The following ZMYM2 variants were observed in gnomAD, a reference collection of about 807,000 sequenced individuals.
ZMYM2 encodes zinc finger MYM-type protein 2.
A neutral mutation model predicts 162.8 loss-of-function variants in ZMYM2; 56 were observed. The ratio of observed to expected loss-of-function variants is 0.34; its 90% CI spans 0.28 to 0.43. The LOEUF (loss-of-function observed/expected upper bound fraction) is 0.43, where lower values mean the gene tolerates loss of function less well. Among genes scored for constraint, ZMYM2 ranks in the 20% least tolerant of loss-of-function variants. The probability of loss-of-function intolerance (pLI) is 1.00; values close to 1 mark genes in which losing one functional copy is unlikely to be tolerated. For missense variants in ZMYM2, 1,275 were observed against 1,621.8 expected (o/e 0.79, Z 3.67); for synonymous variants, 510 against 541.6 (o/e 0.94, Z 0.81).
chr13:19,954,883 T>C (rs192993274), upstream of ZMYM2, among the ~76,000 whole-genome samples: 2 of 152,144 alleles, frequency 1.3e-5, no homozygotes, highest in African/African-American at 2.4e-5. Context: ...CAATCTTAGC[T>C]CAATACAACC....
At chr13:19,888,489 G>C in the ZMYM2 span, among the ~76,000 whole-genome samples, 337 of 151,854 alleles carry the variant, frequency 2.2e-3, 10 homozygotes, top group Admixed American at 0.018. Flanking sequence ...TTGCTCAGCT[G>C]TGCTTTTATT....
chr13:19,937,727 T>C, the ZMYM2 span, among the ~76,000 whole-genome samples: 52 of 151,888 alleles, frequency 3.4e-4, no homozygotes, highest in East Asian at 1.4e-3. Flanking sequence ...CATGTTGGTG[T>C]GCTGCACCCA....
At chr13:19,950,797 A>G in the ZMYM2 span, among the ~76,000 whole-genome samples, 7 of 152,222 alleles carry the variant, frequency 4.6e-5, no homozygotes, top group Non-Finnish European at 7.3e-5. Context: ...GAGTCCTTTC[A>G]GCTTATTATT....
intron 7 of ZMYM2, chr13:20,025,724 C>G (rs1952523610): frequency 6.6e-6 from 1 of 152,234 alleles, no homozygotes; most frequent in Admixed American, 6.5e-5. Context: ...CATCGTTAGA[C>G]AAGTTTGTTT....
intron 2 of ZMYM2, among the ~76,000 whole-genome samples, chr13:19,985,747 G>T (rs978581620): frequency 6.6e-6 from 1 of 151,846 alleles, no homozygotes; most frequent in Admixed American, 6.6e-5. Context: ...GTGGTGGCAC[G>T]TGCCTGTAGT....
chr13:20,083,926 T>C (rs1958072115), intron 24 of ZMYM2, 150 bp downstream of exon 24: 1 of 829,052 alleles, frequency 1.2e-6, no homozygotes, highest in African/African-American at 1.7e-5. Flanking sequence ...TTATAATCTT[T>C]TATTTTGAAA....
chr13:20,063,232 GTC>G (rs572147963), intron 18 of ZMYM2, among the ~76,000 whole-genome samples: 18 of 151,762 alleles, frequency 1.2e-4, no homozygotes, highest in Admixed American at 3.3e-4. Flanking sequence ...GTGAAACACT[GTC>G]TCTACTAAAA....
intron 21 of ZMYM2, among the ~76,000 whole-genome samples, chr13:20,079,345 G>GAAAAAAAAAAAAAAAAAAA (rs1957754259): frequency 5.2e-5 from 1 of 19,134 alleles, no homozygotes; most frequent in African/African-American, 1.5e-4. Context: ...AAAAAAAAAG[G>GAAAAAAAAAAAAAAAAAAA]ATACTTAATG....
At chr13:19,879,698 A>C in the ZMYM2 span, among the ~76,000 whole-genome samples, 2 of 152,196 alleles carry the variant, frequency 1.3e-5, no homozygotes, top group Non-Finnish European at 2.9e-5. Context: ...TGGGATTTTG[A>C]GAGACATTGC....
chr13:20,008,335 T>A (rs1482900744), intron 6 of ZMYM2, among the ~76,000 whole-genome samples: 4 of 152,194 alleles, frequency 2.6e-5, no homozygotes, highest in African/African-American at 9.7e-5. Flanking sequence ...TTCACCATGT[T>A]GTCCATGCTG....
At chr13:19,884,387 A>T in the ZMYM2 span, among the ~76,000 whole-genome samples, 2 of 152,120 alleles carry the variant, frequency 1.3e-5, no homozygotes, top group Admixed American at 1.3e-4. Context: ...GGCCCGGGCT[A>T]ACACAGTATA....
At chr13:19,964,612 A>G (rs1955576256) in intron 2 of ZMYM2, among the ~76,000 whole-genome samples, 1 of 152,126 alleles carries the variant, frequency 6.6e-6, no homozygotes, top group Admixed American at 6.5e-5. Flanking sequence ...TTTTATTAGT[A>G]TAAGTTATCA....
In ZMYM2 at chr13:20,030,429, C is replaced by T. The variant is rs1420717508; in HGVS notation, c.1852-890C>T. On this transcript the variant is annotated intron_variant, in intron 9 of 24. Transcript: ENST00000610343. ...TTTTTTTTTTTTTGAGACGGAGTCT[C>T]GCTCTGTCGCCCAGGCTGGAGTGCA... Among the ~76,000 whole-genome samples the T allele has an allele frequency of 3.0e-3, 415 of 139,522 alleles. 1 individual carries two copies. The highest frequency in any genetic ancestry group is 0.011 in the African/African-American group (399 of 37,704). The allele number at this position is 139,522 out of a possible 152,430, so 91.5% of individuals were successfully genotyped here.
intron 7 of ZMYM2, chr13:20,026,402 G>A (rs1281295678): frequency 1.2e-5 from 5 of 411,390 alleles, no homozygotes; most frequent in Non-Finnish European, 2.1e-5. Flanking sequence ...GTTTTTGAAG[G>A]CGACTTAGCT....
intron 21 of ZMYM2, among the ~76,000 whole-genome samples, chr13:20,070,047 C>G (rs993084216): frequency 2.0e-5 from 3 of 152,030 alleles, no homozygotes; most frequent in Non-Finnish European, 4.4e-5. Context: ...TAAGACCTCC[C>G]ACTTGCTTAT....
intron 14 of ZMYM2, among the ~76,000 whole-genome samples, chr13:20,056,030 A>G (rs186534630): frequency 2.2e-4 from 34 of 152,332 alleles, no homozygotes; most frequent in East Asian, 5.8e-4. Flanking sequence ...CTACTTTTCA[A>G]CACTAATGGG....
chr13:19,902,354 C>T, the ZMYM2 span, among the ~76,000 whole-genome samples: 1 of 152,198 alleles, frequency 6.6e-6, no homozygotes, highest in Non-Finnish European at 1.5e-5. Context: ...CGGTGGCTCA[C>T]GCCTGTAATC....
intron 2 of ZMYM2, among the ~76,000 whole-genome samples, chr13:19,962,412 T>A (rs1322055508): frequency 6.6e-6 from 1 of 150,954 alleles, no homozygotes; most frequent in African/African-American, 2.4e-5. Flanking sequence ...TTAATATGTC[T>A]CTATACCATT....
At chr13:19,990,308 C>T (rs1301590618) in intron 2 of ZMYM2, among the ~76,000 whole-genome samples, 1 of 152,200 alleles carries the variant, frequency 6.6e-6, no homozygotes, top group Non-Finnish European at 1.5e-5. Context: ...GTGTTATTCT[C>T]TGCCTGTTTA....
Sources: gnomAD v4.1 joint callset for allele counts (sites outside exome capture counted in the v4.1 genomes callset) on GRCh38, gnomAD v4.1.1 for gene constraint, MANE v1.5 for transcripts, NCBI Gene and HGNC (gene_info 2026-07-23, HGNC 2026-07-21) for gene names.